UNC5D: variants seen among roughly 807,000 people sequenced by gnomAD.
The protein encoded by UNC5D is unc-5 netrin receptor D, also known as netrin receptor UNC5D.
A neutral mutation model predicts 105.4 loss-of-function variants in UNC5D; 39 were observed. The observed-to-expected ratio is 0.37, with a 90% CI of 0.29 to 0.48. The LOEUF is 0.48. Ranked by LOEUF, UNC5D falls within the 20% of genes least tolerant of loss-of-function variation. UNC5D has a pLI of 0.98. For synonymous variants in UNC5D, 452 were observed against 450.4 expected (o/e 1.00, Z -0.04); for missense variants, 991 against 1,202.4 (o/e 0.82, Z 2.60).
chr8:35,648,133 G>A (rs1051247387), intron 4 of UNC5D, among the ~76,000 whole-genome samples: 3 of 152,284 alleles, frequency 2.0e-5, no homozygotes, highest in African/African-American at 7.2e-5. Flanking sequence ...GAAAACATGA[G>A]TGGGTGTTCC....
chr8:35,562,457 T>C (rs1258465429), intron 2 of UNC5D, among the ~76,000 whole-genome samples: 1 of 152,140 alleles, frequency 6.6e-6, no homozygotes, highest in Non-Finnish European at 1.5e-5. Context: ...AAAAATGGTG[T>C]ATGAGGGTTC....
At chr8:35,668,137 C>T (rs1276815372) in intron 4 of UNC5D, among the ~76,000 whole-genome samples, 1 of 152,042 alleles carries the variant, frequency 6.6e-6, no homozygotes, top group African/African-American at 2.4e-5. Context: ...CAAGTAATAT[C>T]TCATTTTCAT....
intron 1 of UNC5D, among the ~76,000 whole-genome samples, chr8:35,285,607 G>GA (rs1361353800): frequency 2.0e-5 from 3 of 152,150 alleles, no homozygotes; most frequent in Non-Finnish European, 1.5e-5. Flanking sequence ...CAGGGATCTA[G>GA]AAAAAACAAT....
At chr8:35,633,955 G>A (rs191187256) in intron 4 of UNC5D, among the ~76,000 whole-genome samples, 48 of 152,276 alleles carry the variant, frequency 3.2e-4, no homozygotes, top group Admixed American at 2.6e-3. Context: ...GCAAGAAGCC[G>A]AATCAAAGCC....
intron 1 of UNC5D, among the ~76,000 whole-genome samples, chr8:35,337,742 ATTTC>A (rs932749702): frequency 1.3e-5 from 2 of 151,086 alleles, no homozygotes; most frequent in Non-Finnish European, 2.9e-5. Context: ...GACTGACTCT[ATTTC>A]TTTCTTTTTT....
At chr8:35,738,845 A>G (rs1829605522) in intron 11 of UNC5D, among the ~76,000 whole-genome samples, 1 of 152,210 alleles carries the variant, frequency 6.6e-6, no homozygotes, top group Non-Finnish European at 1.5e-5. Context: ...AAAATGCGTG[A>G]ATCGTCCATG....
intron 1 of UNC5D, among the ~76,000 whole-genome samples, chr8:35,393,177 G>A (rs1233149722): frequency 8.2e-6 from 1 of 121,230 alleles, no homozygotes; most frequent in African/African-American, 3.2e-5. Flanking sequence ...CTGTCGCCCA[G>A]GCTGGAGTGC....
rs35131097 is a variant in UNC5D at position 35,428,346 on chromosome 8, ATT to A, written c.104-120924_104-120923del. ...CAGGTACATGCCACCATGCCTGGCT[ATT>A]TTTTTTTTTTTTTTTTTTTTTGAGA... On this transcript the variant is annotated intron_variant, in intron 1 of 16. Coordinates refer to ENST00000404895, the MANE Select transcript of UNC5D (RefSeq NM_080872.4). 1.5e-3 allele frequency among the ~76,000 whole-genome samples: 136 copies of A among 92,770 alleles called. 1 individual carries two copies. The highest frequency in any genetic ancestry group is 5.4e-3 in the African/African-American group (121 of 22,446). The allele number at this position is 92,770 out of a possible 152,430, so 60.9% of individuals were successfully genotyped here.
Position 35,484,969 on chromosome 8 carries a change from A to G in UNC5D, c.104-64323A>G, listed in dbSNP as rs1230101685. Among the ~76,000 whole-genome samples, 3 of 152,236 alleles carry G rather than the reference A, an allele frequency of 2.0e-5. No homozygotes were observed. In the South Asian group the frequency reaches 6.2e-4, roughly 32 times the overall value. ...GTTCTCAATATTTTAACACACTAAT[A>G]AATATATTTGCCTTAAGTAAATAGC... On this transcript the variant is annotated intron_variant, in intron 1 of 16. Coordinates refer to ENST00000404895, the MANE Select transcript of UNC5D (RefSeq NM_080872.4).
chr8:35,443,664 G>A (rs1347938058), intron 1 of UNC5D, among the ~76,000 whole-genome samples: 3 of 151,750 alleles, frequency 2.0e-5, no homozygotes, highest in Non-Finnish European at 4.4e-5. Flanking sequence ...GCTTCACACT[G>A]GAAAGAATAT....
At chr8:35,313,801 T>C (rs1019246152) in intron 1 of UNC5D, among the ~76,000 whole-genome samples, 1 of 152,168 alleles carries the variant, frequency 6.6e-6, no homozygotes, top group Admixed American at 6.5e-5. Flanking sequence ...ACAACCCTCA[T>C]AGGATTATTT....
chr8:35,564,476 G>A (rs778021405), intron 2 of UNC5D, among the ~76,000 whole-genome samples: 13 of 152,074 alleles, frequency 8.5e-5, no homozygotes, highest in Admixed American at 3.9e-4. Flanking sequence ...CTCATCGACC[G>A]TTTGCCCAGA....
chr8:35,303,458 C>G (rs1808109424), intron 1 of UNC5D, among the ~76,000 whole-genome samples: 1 of 152,058 alleles, frequency 6.6e-6, no homozygotes, highest in Non-Finnish European at 1.5e-5. Context: ...CATGGCTAAA[C>G]AGTGTAGGTT....
chr8:35,470,296 T>A (rs188628771), intron 1 of UNC5D, among the ~76,000 whole-genome samples: 7 of 152,162 alleles, frequency 4.6e-5, no homozygotes, highest in African/African-American at 1.7e-4. Flanking sequence ...TTTGAGGCCA[T>A]AACATAAAAT....
At chr8:35,292,794 A>G (rs941863209) in intron 1 of UNC5D, among the ~76,000 whole-genome samples, 1 of 136,156 alleles carries the variant, frequency 7.3e-6, no homozygotes, top group Non-Finnish European at 1.5e-5. Context: ...TCGGCTCACT[A>G]CAACCTCTGC....
chr8:35,475,006 G>C (rs535600499), intron 1 of UNC5D, among the ~76,000 whole-genome samples: 52 of 152,188 alleles, frequency 3.4e-4, no homozygotes, highest in South Asian at 8.3e-4. Context: ...AAAGGAAATG[G>C]GGGTTGATTT....
rs192269486 is a variant in UNC5D at position 35,384,240 on chromosome 8, A to C, written c.103+148353A>C. On this transcript the variant is annotated intron_variant, in intron 1 of 16. Transcript: ENST00000404895. ...TTTCAAAAAAAAAAAACAAAAAAAA[A>C]CTAACATTTAAAATAATATGGTCTT... Among the ~76,000 whole-genome samples the C allele has an allele frequency of 1.1e-3, 168 of 152,024 alleles. 1 individual carries two copies. Among genetic ancestry groups the C allele is most frequent in the Admixed American group, 2.8e-3 (42 of 15,266 alleles).
At chr8:35,525,797 C>CT in intron 1 of UNC5D, 2 of 1,477,580 alleles carry the variant, frequency 1.4e-6, no homozygotes, top group Non-Finnish European at 1.8e-6. Context: ...TTTTAACTAA[C>CT]TTTTTTGTTT....
chr8:35,469,426 C>A (rs1249138147), intron 1 of UNC5D, among the ~76,000 whole-genome samples: 1 of 152,060 alleles, frequency 6.6e-6, no homozygotes. Context: ...TCTTCAGATC[C>A]AAAGCTAAAG....
Sources: allele counts gnomAD v4.1 joint callset (sites outside exome capture counted in the v4.1 genomes callset), GRCh38; gene constraint gnomAD v4.1.1; transcripts MANE v1.5; gene names NCBI Gene and HGNC (gene_info 2026-07-23, HGNC 2026-07-21).